The following RPL21 variants were observed in gnomAD, a reference collection of about 807,000 sequenced individuals.
RPL21 encodes the protein ribosomal protein L21.
In RPL21, 1 loss-of-function variant was observed where a neutral mutation model predicts 21.2. The observed-to-expected ratio is 0.05, with a 90% CI of 0.02 to 0.22. The LOEUF (loss-of-function observed/expected upper bound fraction) is 0.22, where lower values mean the gene tolerates loss of function less well. Among genes scored for constraint, RPL21 ranks in the 10% least tolerant of loss-of-function variants. The pLI, the probability that RPL21 is intolerant of heterozygous loss-of-function variation, is 1.00. For missense variants in RPL21, 113 were observed against 199.4 expected (o/e 0.57, Z 2.61); for synonymous variants, 52 against 62.9 (o/e 0.83, Z 0.82).
intron 3 of RPL21, chr13:27,254,929 G>A (rs1371818302): frequency 2.2e-6 from 1 of 459,430 alleles, no homozygotes; most frequent in African/African-American, 2.0e-5. Flanking sequence ...GAAATTATGA[G>A]TTTATCAAGT....
chr13:27,254,650 A>G (rs542865753), intron 3 of RPL21, among the ~76,000 whole-genome samples: 212 of 152,188 alleles, frequency 1.4e-3, no homozygotes, highest in African/African-American at 4.3e-3. Context: ...CAGCCTCCCA[A>G]TGTGCTGGGA....
intron 4 of RPL21, chr13:27,255,824 G>A (rs1372827238): frequency 1.9e-5 from 6 of 322,020 alleles, no homozygotes; most frequent in Non-Finnish European, 3.0e-5. Flanking sequence ...TGCCTGCCTC[G>A]GCCTCCCAAA....
intron 3 of RPL21, chr13:27,254,548 T>C: frequency 2.3e-6 from 1 of 442,228 alleles, no homozygotes; most frequent in Non-Finnish European, 4.1e-6. Context: ...GCGTGCACCA[T>C]GATACCTGGC....
intron 1 of RPL21, among the ~76,000 whole-genome samples, chr13:27,253,006 G>T (rs967570548): frequency 6.6e-6 from 1 of 152,202 alleles, no homozygotes; most frequent in African/African-American, 2.4e-5. Flanking sequence ...ATTTCTAAAT[G>T]CCTGTAGGTG....
chr13:27,253,935 A>G (rs907393962), intron 2 of RPL21, 92 bp downstream of exon 2: 6 of 812,340 alleles, frequency 7.4e-6, no homozygotes, highest in East Asian at 2.5e-5. Context: ...ATGTGTATCA[A>G]TAGAATTAAA....
chr13:27,251,727 T>C (rs538675437), intron 1 of RPL21, 142 bp downstream of exon 1: 12 of 152,774 alleles, frequency 7.9e-5, no homozygotes, highest in South Asian at 6.2e-4. Flanking sequence ...GGTTAAACCA[T>C]GTTCTGCCAG....
At chr13:27,255,056 G>C (rs1479544504) in intron 3 of RPL21, 186 bp from the exon 4 acceptor site, 2 of 756,306 alleles carry the variant, frequency 2.6e-6, no homozygotes, top group Admixed American at 1.7e-5. Context: ...AATGTATCTT[G>C]GCACTCGAGC....
At chr13:27,252,660 TTA>T (rs1183069855) in intron 1 of RPL21, among the ~76,000 whole-genome samples, 3 of 152,204 alleles carry the variant, frequency 2.0e-5, no homozygotes, top group South Asian at 2.1e-4. Context: ...TTTTGGAACT[TTA>T]TACACATCTA....
At chr13:27,254,568 A>G (rs1881808067) in intron 3 of RPL21, 4 of 392,710 alleles carry the variant, frequency 1.0e-5, no homozygotes, top group Non-Finnish European at 1.9e-5. Flanking sequence ...CTAATTTTGT[A>G]TTTTTAGTAG....
chr13:27,254,431 T>C (rs1881799907), intron 3 of RPL21, 150 bp downstream of exon 3: 1 of 578,444 alleles, frequency 1.7e-6, no homozygotes, highest in Non-Finnish European at 3.0e-6. Context: ...GTTTCACTCT[T>C]GTTGCTCAGG....
At chr13:27,255,592 G>T (rs919115020) in intron 4 of RPL21, 2 of 653,340 alleles carry the variant, frequency 3.1e-6, no homozygotes, top group Admixed American at 1.8e-5. Context: ...TTTGTTTCGA[G>T]ACGGAGTCTT....
At chr13:27,256,012 T>C (rs973941246) in intron 4 of RPL21, among the ~76,000 whole-genome samples, 172 bp from the exon 5 acceptor site, 1 of 152,252 alleles carries the variant, frequency 6.6e-6, no homozygotes, top group Non-Finnish European at 1.5e-5. Context: ...GCAAGGCCTC[T>C]TCTGATATGA....
At chr13:27,253,459 T>TA (rs1408842149) in intron 1 of RPL21, among the ~76,000 whole-genome samples, 2 of 152,232 alleles carry the variant, frequency 1.3e-5, no homozygotes, top group Non-Finnish European at 2.9e-5. Context: ...GTTCTACAGA[T>TA]AGAGTGTGGT....
chr13:27,255,246 T>G lies in RPL21; in HGVS notation c.134T>G (p.Met45Arg), dbSNP rs773453390. 6.3e-6 allele frequency: 8 copies of G among 1,270,784 alleles called. No homozygotes were observed. The highest frequency in any genetic ancestry group is 9.2e-6 in the Non-Finnish European group (8 of 866,438). The allele number at this position is 1,270,784 out of a possible 1,614,324, so 78.7% of individuals were successfully genotyped here. The stretch of plus-strand genomic sequence containing the variant: ...TAACATTGGTTTCTTTAATAGGGAA[T>G]GGGTACTGTTCAAAAAGGAATGCCC... ...KKGDIVDIKG[M>R]GTVQKGMPHK... Residue 45 changes from methionine to arginine, a missense_variant, in exon 4 of 6, where the codon ATG (methionine) becomes AGG (arginine). Met to Arg is a moderately conservative substitution (Grantham distance 91, BLOSUM62 -1). Transcript: ENST00000311549.
chr13:27,255,157 AATCTT>A, intron 3 of RPL21, 80 bp from the exon 4 acceptor site: 1 of 786,978 alleles, frequency 1.3e-6, no homozygotes, highest in African/African-American at 1.7e-5. Flanking sequence ...ATTTGAAAGA[AATCTT>A]AGAATACTTT....
intron 4 of RPL21, 154 bp downstream of exon 4, chr13:27,255,508 C>A: frequency 1.3e-6 from 1 of 763,220 alleles, no homozygotes; most frequent in Non-Finnish European, 2.4e-6. Flanking sequence ...TTGTCTGTAT[C>A]CTGTCAGAGG....
chr13:27,253,562 T>C (rs776981679), intron 1 of RPL21: 10 of 514,542 alleles, frequency 1.9e-5, no homozygotes, highest in Admixed American at 3.1e-5. Flanking sequence ...TTTGATGTTA[T>C]AGAACTTGGG....
At chr13:27,254,396 T>A in intron 3 of RPL21, 115 bp downstream of exon 3, 1 of 638,584 alleles carries the variant, frequency 1.6e-6, no homozygotes, top group Admixed American at 2.7e-5. Context: ...GAATGGATTT[T>A]TTTTTTTTTT....
Position 27,253,835 on chromosome 13 carries a change from G to C in RPL21, c.59G>C (p.Arg20Thr). Residue 20 changes from arginine (R) to threonine (T), a missense_variant, in exon 2 of 6, where the codon AGA becomes ACA. Transcript: ENST00000311549. ...GTRYMFSRPF[R>T]KHGVVPLATY... is the part of the protein sequence containing the mutation. ...CGATATATGTTCTCTAGGCCTTTTA[G>C]AAAACATGGTAAGTAGGTTTACCTT... The C allele has an allele frequency of 6.3e-7, 1 of 1,589,242 alleles. No homozygotes were observed. Among genetic ancestry groups the C allele is most frequent in the Admixed American group, 1.7e-5 (1 of 59,970 alleles).
Sources: gnomAD v4.1 joint callset for allele counts (sites outside exome capture counted in the v4.1 genomes callset) on GRCh38, gnomAD v4.1.1 for gene constraint, MANE v1.5 for transcripts, NCBI Gene and HGNC (gene_info 2026-07-23, HGNC 2026-07-21) for gene names.